The following ALK variants were observed in gnomAD, a reference collection of about 807,000 sequenced individuals.
The protein encoded by ALK is ALK tyrosine kinase receptor.
Under a neutral mutation model 163.1 loss-of-function variants are expected in ALK, and 74 were observed. The ratio of observed to expected loss-of-function variants is 0.45; its 90% CI spans 0.38 to 0.55. The LOEUF is 0.55. ALK is among the 20% of genes least tolerant of loss of function. ALK has a pLI of 0.00. For synonymous variants in ALK, 960 were observed against 843.2 expected, an observed-to-expected ratio of 1.14 and a Z score of -2.40; for missense variants, 2,063 against 2,105.3, an observed-to-expected ratio of 0.98 and a Z score of 0.39.
intron 4 of ALK, among the ~76,000 whole-genome samples, chr2:29,470,685 ATTTT>A (rs11325298): frequency 1.3e-5 from 2 of 148,790 alleles, no homozygotes; most frequent in African/African-American, 2.5e-5. Flanking sequence ...AAACAGCTGA[ATTTT>A]TTTTTTTTTT....
chr2:29,751,720 T>C (rs1188620742), intron 1 of ALK, among the ~76,000 whole-genome samples: 1 of 152,162 alleles, frequency 6.6e-6, no homozygotes, highest in Non-Finnish European at 1.5e-5. Flanking sequence ...TGACCACCTT[T>C]CATGAGGTGA....
chr2:29,672,947 ATGTGTTTTTTGGCTGC>A (rs1421348871), intron 3 of ALK, among the ~76,000 whole-genome samples: 6 of 129,986 alleles, frequency 4.6e-5, no homozygotes, highest in Non-Finnish European at 9.6e-5. Flanking sequence ...GCATTTTTTC[ATGTGTTTTTTGGCTGC>A]ATAAATGTCT....
At chr2:29,415,737 AG>A (rs781491078) in intron 4 of ALK, among the ~76,000 whole-genome samples, 35 of 152,356 alleles carry the variant, frequency 2.3e-4, no homozygotes, top group Admixed American at 1.0e-3. Context: ...TGAGTAAAGA[AG>A]GCCTGCTCTC....
chr2:29,309,301 A>G (rs17784025), intron 8 of ALK, among the ~76,000 whole-genome samples: 8,336 of 152,170 alleles, frequency 0.055, 305 homozygotes, highest in Non-Finnish European at 0.08. Flanking sequence ...AATGACCACT[A>G]GTGGGAGCCA....
chr2:29,464,474 T>G (rs942918516), intron 4 of ALK, among the ~76,000 whole-genome samples: 1 of 152,158 alleles, frequency 6.6e-6, no homozygotes, highest in African/African-American at 2.4e-5. Flanking sequence ...CAAACACAAA[T>G]TTATTTATAA....
At chr2:29,642,459 G>A (rs545390994) in intron 3 of ALK, among the ~76,000 whole-genome samples, 1 of 152,120 alleles carries the variant, frequency 6.6e-6, no homozygotes, top group Non-Finnish European at 1.5e-5. Flanking sequence ...AATTGTGCTG[G>A]CTCATGCATA....
At chr2:29,801,701 C>T (rs1248547176) in intron 1 of ALK, among the ~76,000 whole-genome samples, 3 of 152,300 alleles carry the variant, frequency 2.0e-5, no homozygotes, top group Admixed American at 6.5e-5. Flanking sequence ...AAATACAGCT[C>T]TCCATTTGCT....
chr2:29,463,071 C>T (rs1212348068), intron 4 of ALK, among the ~76,000 whole-genome samples: 1 of 152,100 alleles, frequency 6.6e-6, no homozygotes, highest in Non-Finnish European at 1.5e-5. Flanking sequence ...AACATATAAT[C>T]GTAAAAACCT....
rs2148248062 is a variant in ALK at position 29,318,339 on chromosome 2, T to A, written c.1612A>T (p.Thr538Ser). The A allele has an allele frequency of 6.2e-7, 1 of 1,613,980 alleles. No individual in the cohort carries two copies. Among genetic ancestry groups the A allele is most frequent in the Non-Finnish European group, 8.5e-7 (1 of 1,179,888 alleles). ...ASESATVTSA[T>S]FPAPIKSSPC... ...GAGCTCTTGATCGGTGCAGGAAACG[T>A]AGCACTGGTCACTGTAGCACTTTCA... The change falls in exon 8 of 29, where the codon ACG becomes TCG. Residue 538 changes from threonine to serine, a missense_variant. Physicochemically the swap from Thr to Ser is moderately conservative, Grantham distance 58. Transcript: ENST00000389048.
chr2:29,232,818 GCT>G (rs1664254594), intron 14 of ALK, among the ~76,000 whole-genome samples: 1 of 152,156 alleles, frequency 6.6e-6, no homozygotes, highest in African/African-American at 2.4e-5. Flanking sequence ...GTCTCTCTAT[GCT>G]CTCTCTCCCT....
intron 1 of ALK, among the ~76,000 whole-genome samples, chr2:29,760,407 T>C (rs1308825188): frequency 1.3e-5 from 2 of 152,238 alleles, no homozygotes; most frequent in African/African-American, 2.4e-5. Flanking sequence ...TATAGAGTGA[T>C]AATGAAGTGA....
chr2:29,683,387 GAAAAACA>G (rs1314525845), intron 3 of ALK, among the ~76,000 whole-genome samples: 1 of 151,424 alleles, frequency 6.6e-6, no homozygotes, highest in Non-Finnish European at 1.5e-5. Context: ...AAGAAAGAAA[GAAAAACA>G]AAAAACAAAA....
At chr2:29,398,428 G>A (rs965506882) in intron 4 of ALK, among the ~76,000 whole-genome samples, 1 of 152,112 alleles carries the variant, frequency 6.6e-6, no homozygotes, top group African/African-American at 2.4e-5. Flanking sequence ...CCCAAGAGAT[G>A]TATGCAAAGT....
intron 1 of ALK, among the ~76,000 whole-genome samples, chr2:29,724,429 G>A (rs1558460397): frequency 6.6e-6 from 1 of 152,110 alleles, no homozygotes; most frequent in Non-Finnish European, 1.5e-5. Context: ...GAGAGTACAG[G>A]GCAGGCCTGT....
At chr2:29,864,446 A>G (rs1666373951) in intron 1 of ALK, among the ~76,000 whole-genome samples, 1 of 152,148 alleles carries the variant, frequency 6.6e-6, no homozygotes, top group Admixed American at 6.5e-5. Context: ...AGCACTCACC[A>G]CAACATACAA....
intron 3 of ALK, among the ~76,000 whole-genome samples, chr2:29,666,772 A>T (rs1022020320): frequency 3.3e-5 from 5 of 152,122 alleles, no homozygotes; most frequent in Non-Finnish European, 5.9e-5. Flanking sequence ...TTAAGTATAC[A>T]GTTAAGTGGT....
intron 9 of ALK, among the ~76,000 whole-genome samples, chr2:29,292,367 A>C (rs967410291): frequency 7.2e-5 from 11 of 152,220 alleles, no homozygotes; most frequent in Admixed American, 5.9e-4. Context: ...CATTGTGTTT[A>C]ATTTAGTAAG....
intron 3 of ALK, among the ~76,000 whole-genome samples, chr2:29,606,207 G>T (rs1675538210): frequency 6.6e-6 from 1 of 152,124 alleles, no homozygotes; most frequent in Non-Finnish European, 1.5e-5. Context: ...CCCCTCCCCT[G>T]TCTCCCTCAC....
chr2:29,512,038 T>C (rs1237909299), intron 4 of ALK, among the ~76,000 whole-genome samples: 1 of 12,906 alleles, frequency 7.7e-5, no homozygotes, highest in Non-Finnish European at 6.3e-3. Context: ...ATCTTTTGAA[T>C]ATTTAAAAGT....
Sources: gnomAD v4.1 joint callset for allele counts (sites outside exome capture counted in the v4.1 genomes callset) on GRCh38, gnomAD v4.1.1 for gene constraint, MANE v1.5 for transcripts, NCBI Gene and HGNC (gene_info 2026-07-23, HGNC 2026-07-21) for gene names.